CNTN5: variants seen among roughly 807,000 people sequenced by gnomAD.
The protein encoded by CNTN5 is contactin-5.
In CNTN5, 77 loss-of-function variants were observed where a neutral mutation model predicts 129.1. The observed-to-expected ratio is 0.60, with a 90% CI of 0.50 to 0.72. CNTN5 has a LOEUF of 0.72. CNTN5 is among the 30% of genes least tolerant of loss of function. The probability of loss-of-function intolerance (pLI) is 0.00; values close to 1 mark genes in which losing one functional copy is unlikely to be tolerated. For synonymous variants in CNTN5, 509 were observed against 465.6 expected, an observed-to-expected ratio of 1.09 and a Z score of -1.20; for missense variants, 1,478 against 1,328.8, an observed-to-expected ratio of 1.11 and a Z score of -1.75.
At chr11:100,087,870 G>T (rs1944616602) in intron 13 of CNTN5, among the ~76,000 whole-genome samples, 1 of 151,698 alleles carries the variant, frequency 6.6e-6, no homozygotes, top group Non-Finnish European at 1.5e-5. Context: ...CACATGCTTG[G>T]CCATAAAGCA....
rs1486383534 is a variant in CNTN5 at position 99,793,818 on chromosome 11, G to T, written c.56-25726G>T. Among the ~76,000 whole-genome samples, 3 of 152,108 alleles carry T rather than the reference G, an allele frequency of 2.0e-5. No individual in the cohort carries two copies. In the East Asian group the frequency reaches 5.8e-4, roughly 29 times the overall value. The stretch of plus-strand genomic sequence containing the variant: ...TTCAATTTATAAAAAAATAATTTAG[G>T]ATTGTTTATGAATTATTTTTGGTCC... On this transcript the variant is annotated intron_variant, in intron 3 of 24. Transcript: ENST00000524871.
intron 4 of CNTN5, among the ~76,000 whole-genome samples, chr11:99,841,781 T>TTATATATATA (rs755315937): frequency 6.2e-5 from 6 of 96,970 alleles, no homozygotes; most frequent in African/African-American, 1.0e-4. Flanking sequence ...GGTTTGACAT[T>TTATATATATA]TATATATATA....
chr11:99,106,756 G>A (rs1867016707), intron 1 of CNTN5, among the ~76,000 whole-genome samples: 1 of 151,916 alleles, frequency 6.6e-6, no homozygotes, highest in African/African-American at 2.4e-5. Flanking sequence ...CTAGAGAAAT[G>A]GGTTATTTTG....
At chr11:99,467,074 A>G (rs1944973524) in intron 2 of CNTN5, among the ~76,000 whole-genome samples, 1 of 152,168 alleles carries the variant, frequency 6.6e-6, no homozygotes, top group African/African-American at 2.4e-5. Flanking sequence ...TACTTTGACT[A>G]TAGAATTTTA....
At chr11:99,447,996 G>A (rs1327628486) in intron 2 of CNTN5, among the ~76,000 whole-genome samples, 1 of 152,050 alleles carries the variant, frequency 6.6e-6, no homozygotes, top group Non-Finnish European at 1.5e-5. Context: ...CATTATTGTA[G>A]AGAAAATCTC....
intron 3 of CNTN5, among the ~76,000 whole-genome samples, chr11:99,785,109 G>A (rs574245976): frequency 5.3e-4 from 80 of 152,104 alleles, no homozygotes; most frequent in South Asian, 1.5e-3. Flanking sequence ...GTGAGCCACC[G>A]CACCCTGCCC....
intron 2 of CNTN5, among the ~76,000 whole-genome samples, chr11:99,459,289 G>A (rs1433425044): frequency 6.6e-6 from 1 of 151,940 alleles, no homozygotes; most frequent in Non-Finnish European, 1.5e-5. Context: ...ATAGTGGGGA[G>A]TGAGGAAAAT....
intron 1 of CNTN5, among the ~76,000 whole-genome samples, chr11:99,067,344 C>T (rs963127033): frequency 1.3e-5 from 2 of 151,238 alleles, no homozygotes; most frequent in South Asian, 2.1e-4. Flanking sequence ...CTCTTTAAAA[C>T]GCTATTGTTC....
chr11:99,366,951 GA>G (rs1465294308), intron 2 of CNTN5, among the ~76,000 whole-genome samples: 1 of 152,120 alleles, frequency 6.6e-6, no homozygotes, highest in Admixed American at 6.6e-5. Context: ...GTCATATTGT[GA>G]TATCGACAGA....
intron 8 of CNTN5, among the ~76,000 whole-genome samples, chr11:99,965,720 A>G (rs573030776): frequency 6.6e-6 from 1 of 151,662 alleles, no homozygotes; most frequent in Non-Finnish European, 1.5e-5. Context: ...ATCCTTGTTA[A>G]CTTTCTGTCT....
intron 3 of CNTN5, among the ~76,000 whole-genome samples, chr11:99,803,233 G>A (rs1946167671): frequency 1.3e-5 from 2 of 152,142 alleles, no homozygotes; most frequent in Admixed American, 1.3e-4. Context: ...GATCTCAAGG[G>A]AGTCAGTTGG....
intron 7 of CNTN5, among the ~76,000 whole-genome samples, chr11:99,939,072 T>C (rs541675347): frequency 8.0e-4 from 122 of 152,230 alleles, no homozygotes; most frequent in African/African-American, 2.9e-3. Context: ...CCCTCCGGTG[T>C]TTCTAATTTC....
intron 8 of CNTN5, among the ~76,000 whole-genome samples, chr11:99,961,206 G>GGAA (rs1555167360): frequency 2.1e-5 from 2 of 95,720 alleles, no homozygotes; most frequent in Non-Finnish European, 4.0e-5. Flanking sequence ...CTCCGTCTCA[G>GGAA]AAAAAAAAAA....
chr11:99,544,127 TG>T (rs1948209221), intron 2 of CNTN5, among the ~76,000 whole-genome samples: 1 of 152,020 alleles, frequency 6.6e-6, no homozygotes, highest in Admixed American at 6.6e-5. Context: ...GCTTAGTTTC[TG>T]GGGAGGCCTC....
intron 16 of CNTN5, among the ~76,000 whole-genome samples, chr11:100,247,929 T>A (rs17094696): frequency 6.6e-6 from 1 of 151,572 alleles, no homozygotes; most frequent in African/African-American, 2.4e-5. Flanking sequence ...ATGGCCTGAG[T>A]TTTTCAATTT....
At chr11:99,271,735 T>C (rs909709087) in intron 1 of CNTN5, among the ~76,000 whole-genome samples, 2 of 151,820 alleles carry the variant, frequency 1.3e-5, no homozygotes, top group Non-Finnish European at 2.9e-5. Context: ...TGGGCTCAGG[T>C]CCTTACTGAC....
intron 1 of CNTN5, among the ~76,000 whole-genome samples, chr11:99,232,255 C>A (rs1861042575): frequency 6.6e-6 from 1 of 152,096 alleles, no homozygotes; most frequent in African/African-American, 2.4e-5. Flanking sequence ...CAGCCATTTT[C>A]ATGATATTGA....
chr11:99,812,146 A>G (rs1946447253), intron 3 of CNTN5, among the ~76,000 whole-genome samples: 1 of 152,260 alleles, frequency 6.6e-6, no homozygotes, highest in East Asian at 1.9e-4. Flanking sequence ...AGATGGGTAC[A>G]TGTTGCTCTA....
At chr11:100,184,768 T>C (rs11824047) in intron 13 of CNTN5, among the ~76,000 whole-genome samples, 1 of 152,214 alleles carries the variant, frequency 6.6e-6, no homozygotes, top group Non-Finnish European at 1.5e-5. Context: ...TTTTCTAAAG[T>C]GCTTACATAT....
Sources: gnomAD v4.1 joint callset for allele counts (sites outside exome capture counted in the v4.1 genomes callset) on GRCh38, gnomAD v4.1.1 for gene constraint, MANE v1.5 for transcripts, NCBI Gene and HGNC (gene_info 2026-07-23, HGNC 2026-07-21) for gene names.